Variants in MECOM observed in about 807,000 individuals in gnomAD.
The protein encoded by MECOM is MDS1 and EVI1 complex locus.
A neutral mutation model predicts 116.3 loss-of-function variants in MECOM; 13 were observed. The observed-to-expected ratio is 0.11, with a 90% CI of 0.07 to 0.18. The LOEUF is 0.18. MECOM is among the 10% of genes least tolerant of loss of function. The pLI is 1.00. For missense variants in MECOM, 1,299 were observed against 1,509.0 expected, an observed-to-expected ratio of 0.86 and a Z score of 2.31; for synonymous variants, 528 against 535.2, an observed-to-expected ratio of 0.99 and a Z score of 0.19.
intron 1 of MECOM, among the ~76,000 whole-genome samples, chr3:169,533,316 C>T (rs1008924976): frequency 3.3e-5 from 5 of 152,176 alleles, no homozygotes; most frequent in Non-Finnish European, 5.9e-5. Context: ...ACAACAGTCT[C>T]TTCCCTGCGG....
At chr3:169,475,059 C>T (rs1750130452) in intron 1 of MECOM, among the ~76,000 whole-genome samples, 1 of 150,318 alleles carries the variant, frequency 6.7e-6, no homozygotes, top group African/African-American at 2.5e-5. Context: ...CTCCTCAGGC[C>T]AACAGTCTGA....
intron 1 of MECOM, among the ~76,000 whole-genome samples, chr3:169,419,087 C>G (rs1739254861): frequency 6.6e-6 from 1 of 152,156 alleles, no homozygotes; most frequent in African/African-American, 2.4e-5. Flanking sequence ...CACAAGCATT[C>G]CTATACACCA....
At chr3:169,104,470 C>T (rs1724663553) in intron 10 of MECOM, among the ~76,000 whole-genome samples, 1 of 152,126 alleles carries the variant, frequency 6.6e-6, no homozygotes, top group Non-Finnish European at 1.5e-5. Context: ...CTGATTAGTA[C>T]TACTAACAAG....
At chr3:169,126,559 G>A (rs1732925382) in intron 5 of MECOM, among the ~76,000 whole-genome samples, 1 of 151,930 alleles carries the variant, frequency 6.6e-6, no homozygotes, top group Admixed American at 6.6e-5. Flanking sequence ...AGATTTATAT[G>A]AAGTGGCAGA....
At position 169,083,922 on chromosome 3, in the gene MECOM, T is replaced by C. The variant is rs1169669333; in HGVS notation, c.*987A>G. ...GTTGCATCTATTCGTATTTAGTTCA[T>C]TAAGAAGGAAAACAAAACAAACAAA... On this transcript the variant is annotated 3_prime_UTR_variant, in exon 17 of 17. Transcript: ENST00000651503. 1 of 224,456 alleles carries C rather than the reference T, an allele frequency of 4.5e-6. No individual in the cohort carries two copies. The highest frequency in any genetic ancestry group is 5.7e-5 in the Admixed American group (1 of 17,442). 13.9% of individuals were successfully genotyped at this position (224,456 alleles called of 1,614,324 possible).
At chr3:169,141,674 G>C (rs969665345) in intron 3 of MECOM, among the ~76,000 whole-genome samples, 1 of 151,962 alleles carries the variant, frequency 6.6e-6, no homozygotes, top group Admixed American at 6.6e-5. Context: ...TACACTATTT[G>C]GGTGTCTCTT....
intron 1 of MECOM, among the ~76,000 whole-genome samples, chr3:169,465,627 C>T (rs980407630): frequency 6.6e-6 from 1 of 152,106 alleles, no homozygotes; most frequent in Non-Finnish European, 1.5e-5. Context: ...CACTTCATTT[C>T]ACTTTGGCCT....
intron 2 of MECOM, among the ~76,000 whole-genome samples, chr3:169,339,885 A>T (rs571547646): frequency 4.6e-5 from 7 of 152,316 alleles, no homozygotes; most frequent in African/African-American, 1.7e-4. Context: ...AGTGAGTCAA[A>T]TATATGATGT....
At chr3:169,470,275 A>T (rs879679947) in intron 1 of MECOM, 1 of 152,220 alleles carries the variant, frequency 6.6e-6, no homozygotes, top group Non-Finnish European at 1.5e-5. Context: ...GGAAAAAATA[A>T]TAAAAGGTCT....
At chr3:169,153,574 T>C (rs1159263368) in intron 2 of MECOM, among the ~76,000 whole-genome samples, 1 of 152,226 alleles carries the variant, frequency 6.6e-6, no homozygotes, top group Non-Finnish European at 1.5e-5. Context: ...TCTTTCAATA[T>C]AGTATTTAGC....
At chr3:169,267,165 G>T (rs1016060992) in intron 2 of MECOM, among the ~76,000 whole-genome samples, 1 of 152,220 alleles carries the variant, frequency 6.6e-6, no homozygotes, top group African/African-American at 2.4e-5. Flanking sequence ...TACTACAGCA[G>T]GAAGTTAGAA....
intron 2 of MECOM, among the ~76,000 whole-genome samples, chr3:169,356,520 G>C (rs145506010): frequency 2.8e-4 from 42 of 152,012 alleles, no homozygotes; most frequent in Non-Finnish European, 3.5e-4. Context: ...CTCAGTATGA[G>C]AGCCGAACAT....
At chr3:169,214,622 A>T (rs905791844) in intron 2 of MECOM, among the ~76,000 whole-genome samples, 1 of 151,642 alleles carries the variant, frequency 6.6e-6, no homozygotes, top group Non-Finnish European at 1.5e-5. Flanking sequence ...TTGACAATGA[A>T]TTTTTTTAAA....
chr3:169,307,458 C>T (rs1244072490), intron 2 of MECOM, among the ~76,000 whole-genome samples: 6 of 152,204 alleles, frequency 3.9e-5, no homozygotes, highest in Admixed American at 1.3e-4. Flanking sequence ...CCTGTGGTCC[C>T]GGCTACTTGG....
At position 169,309,914 on chromosome 3, in the gene MECOM, T is replaced by C. The variant is rs79855489; in HGVS notation, c.375+71273A>G. Reference sequence around the variant, plus strand: ...GGATGTGTGATGCTATGAAGTGCCTTAGAAGCAGCTATTGTGATCACCACG... The same window carrying C: ...GGATGTGTGATGCTATGAAGTGCCTCAGAAGCAGCTATTGTGATCACCACG... On this transcript the variant is annotated intron_variant, in intron 2 of 16. Coordinates refer to ENST00000651503, the MANE Select transcript of MECOM (RefSeq NM_004991.4). Among the ~76,000 whole-genome samples, 218 of 152,282 alleles carry C rather than the reference T, an allele frequency of 1.4e-3. 3 individuals are homozygous for C. In the East Asian group the frequency reaches 0.039, roughly 27 times the overall value.
At chr3:169,631,350 T>A (rs1314477304) in intron 1 of MECOM, among the ~76,000 whole-genome samples, 1 of 152,202 alleles carries the variant, frequency 6.6e-6, no homozygotes, top group African/African-American at 2.4e-5. Context: ...ATAGAGGGAA[T>A]CATAAAAAGA....
At chr3:169,365,195 T>C (rs765313937) in intron 2 of MECOM, among the ~76,000 whole-genome samples, 20 of 152,024 alleles carry the variant, frequency 1.3e-4, no homozygotes, top group Non-Finnish European at 2.5e-4. Flanking sequence ...TATTTGTTAC[T>C]ATAGAAGAAC....
chr3:169,383,521 T>C (rs1429615489), intron 1 of MECOM, among the ~76,000 whole-genome samples: 1 of 152,234 alleles, frequency 6.6e-6, no homozygotes, highest in Non-Finnish European at 1.5e-5. Flanking sequence ...ATGCTATTTG[T>C]TCTTCTTGCA....
intron 1 of MECOM, among the ~76,000 whole-genome samples, chr3:169,454,143 C>A (rs1370049625): frequency 1.3e-5 from 2 of 152,122 alleles, no homozygotes; most frequent in South Asian, 4.1e-4. Flanking sequence ...TTAAAGATAT[C>A]GAGTGCTATA....
Sources: allele counts gnomAD v4.1 joint callset (sites outside exome capture counted in the v4.1 genomes callset), GRCh38; gene constraint gnomAD v4.1.1; transcripts MANE v1.5; gene names NCBI Gene and HGNC (gene_info 2026-07-23, HGNC 2026-07-21).